The following CFLAR variants were observed in gnomAD, a reference collection of about 807,000 sequenced individuals.
CFLAR encodes CASP8 and FADD-like apoptosis regulator.
Under a neutral mutation model 51.1 loss-of-function variants are expected in CFLAR, and 14 were observed. That is an observed-to-expected ratio of 0.27 (90% CI 0.18 to 0.43). CFLAR has a LOEUF of 0.43. Ranked by LOEUF, CFLAR falls within the 20% of genes least tolerant of loss-of-function variation. The pLI, the probability that CFLAR is intolerant of heterozygous loss-of-function variation, is 1.00. For synonymous variants in CFLAR, 210 were observed against 211.6 expected, an observed-to-expected ratio of 0.99 and a Z score of 0.06; for missense variants, 390 against 566.5, an observed-to-expected ratio of 0.69 and a Z score of 3.16.
intron 3 of CFLAR, among the ~76,000 whole-genome samples, chr2:201,133,871 C>T (rs898520490): frequency 2.4e-5 from 3 of 125,716 alleles, no homozygotes; most frequent in African/African-American, 6.1e-5. Flanking sequence ...GCAGAGCTTG[C>T]GGTGAGCTGA....
chr2:201,126,365 G>A (rs1369446650), intron 1 of CFLAR, among the ~76,000 whole-genome samples: 3 of 152,270 alleles, frequency 2.0e-5, no homozygotes, highest in East Asian at 1.9e-4. Flanking sequence ...TGAGAACTGC[G>A]GATATTGCTG....
intron 8 of CFLAR, chr2:201,154,391 T>G (rs1263546061): frequency 6.5e-6 from 1 of 154,066 alleles, no homozygotes; most frequent in Non-Finnish European, 1.5e-5. Flanking sequence ...GCCTGGCTTA[T>G]TCTCTCCATT....
chr2:201,142,562 A>G (rs1939171014), intron 5 of CFLAR: 1 of 152,190 alleles, frequency 6.6e-6, no homozygotes, highest in Non-Finnish European at 1.5e-5. Flanking sequence ...TGTGATGTAT[A>G]TAATAAACTA....
In CFLAR at chr2:201,118,954, T is replaced by G. The variant is rs2047894484; in HGVS notation, c.-138+2473T>G. ...CCCCGCCCCTGGGCTGGTGTCGCCC[T>G]GGGCTCCTGGGACGTCGGGGCACTG... On this transcript the variant is annotated intron_variant, in intron 1 of 9. Transcript: ENST00000309955. This position sits in a 1 kb window ranked among gnomAD's most constrained non-coding sequence, Gnocchi z 5.1. 6.6e-6 allele frequency: 1 copy of G among 152,246 alleles called. No individual in the cohort carries two copies. The highest frequency in any genetic ancestry group is 1.5e-5 in the Non-Finnish European group (1 of 68,102). 9.4% of individuals were successfully genotyped at this position (152,246 alleles called of 1,614,324 possible).
intron 4 of CFLAR, chr2:201,139,373 G>C (rs1297062043): frequency 4.9e-6 from 1 of 203,278 alleles, no homozygotes; most frequent in Non-Finnish European, 1.0e-5. Flanking sequence ...CTGAAATATG[G>C]CCTCATGGGA....
intron 5 of CFLAR, among the ~76,000 whole-genome samples, chr2:201,141,001 C>T (rs751496074): frequency 1.3e-5 from 2 of 152,030 alleles, no homozygotes; most frequent in East Asian, 1.9e-4. Context: ...GAGGCCGAGC[C>T]GGAAGGATCA....
intron 7 of CFLAR, 49 bp downstream of exon 7, chr2:201,149,101 T>C: frequency 8.1e-7 from 1 of 1,233,362 alleles, no homozygotes; most frequent in Non-Finnish European, 1.2e-6. Context: ...TAGCTGTGGA[T>C]AACCCTGACT....
intron 5 of CFLAR, among the ~76,000 whole-genome samples, chr2:201,143,822 C>T (rs560605887): frequency 6.6e-6 from 1 of 151,844 alleles, no homozygotes; most frequent in African/African-American, 2.4e-5. Flanking sequence ...ATTAACCAGG[C>T]GCAGTGGCAG....
At chr2:201,123,875 G>T (rs930050154) in intron 1 of CFLAR, among the ~76,000 whole-genome samples, 1 of 152,132 alleles carries the variant, frequency 6.6e-6, no homozygotes, top group Non-Finnish European at 1.5e-5. Context: ...GAAACTTCTG[G>T]ATGACACTTT....
intron 8 of CFLAR, among the ~76,000 whole-genome samples, chr2:201,158,183 C>A (rs1942489078): frequency 6.6e-6 from 1 of 152,210 alleles, no homozygotes; most frequent in Non-Finnish European, 1.5e-5. Flanking sequence ...GATGGAGGAA[C>A]TAGGACTTAA....
intron 2 of CFLAR, 34 bp downstream of exon 2, chr2:201,130,180 TGGGA>T: frequency 3.3e-4 from 26 of 79,250 alleles, no homozygotes; most frequent in Non-Finnish European, 6.8e-4. Flanking sequence ...GCTGGGTGGG[TGGGA>T]GGGAGTGAAG....
intron 8 of CFLAR, among the ~76,000 whole-genome samples, chr2:201,159,615 C>A (rs1204394864): frequency 6.6e-6 from 1 of 152,140 alleles, no homozygotes; most frequent in African/African-American, 2.4e-5. Context: ...GCCAATAATT[C>A]ATTGTTTAAT....
At chr2:201,132,840 C>A in intron 2 of CFLAR, 189 bp from the exon 3 acceptor site, 1 of 454,452 alleles carries the variant, frequency 2.2e-6, no homozygotes, top group Non-Finnish European at 3.9e-6. Context: ...GGACAAGTTC[C>A]CTTTTCTGAG....
At chr2:201,127,330 C>A (rs1248297316) in intron 1 of CFLAR, among the ~76,000 whole-genome samples, 1 of 152,172 alleles carries the variant, frequency 6.6e-6, no homozygotes, top group Non-Finnish European at 1.5e-5. Flanking sequence ...GAGTTGGTAA[C>A]TGATGGGCAC....
Position 201,171,655 on chromosome 2 carries a change from T to C in CFLAR, c.*7682T>C, listed in dbSNP as rs1014674304. 6.7e-6 allele frequency: 1 copy of C among 148,486 alleles called. No individual in the cohort carries two copies. Among genetic ancestry groups the C allele is most frequent in the African/African-American group, 2.5e-5 (1 of 39,614 alleles). 9.2% of individuals were successfully genotyped at this position (148,486 alleles called of 1,614,324 possible). On this transcript the variant is annotated 3_prime_UTR_variant, in exon 10 of 10. Coordinates refer to ENST00000309955, the MANE Select transcript of CFLAR (RefSeq NM_003879.7). ...CTGCACTTGTATCCAGAACTTAAAA[T>C]ATTTTAAAAATCTTTAGAGAATACA...
chr2:201,129,887 C>G lies in CFLAR; in HGVS notation c.22C>G (p.Gln8Glu), dbSNP rs1400428465. The G allele has an allele frequency of 5.0e-6, 8 of 1,614,124 alleles. No individual in the cohort carries two copies. The South Asian group carries it at 8.8e-5, about 18-fold the overall frequency. Residue 8 changes from glutamine (Q) to glutamate (E), a missense_variant, in exon 2 of 10, where the codon CAG becomes GAG. This residue lies in a region of CFLAR where 103 missense variants were observed against 202.9 expected (regional missense o/e 0.51). Transcript: ENST00000309955. Reference sequence around the variant, plus strand: ...TAGGATGTCTGCTGAAGTCATCCATCAGGTTGAAGAAGCACTTGATACAGA... The same window carrying G: ...TAGGATGTCTGCTGAAGTCATCCATGAGGTTGAAGAAGCACTTGATACAGA... MSAEVIH[Q>E]VEEALDTDEK...
chr2:201,131,535 C>T (rs1173852743), intron 2 of CFLAR, among the ~76,000 whole-genome samples: 4 of 152,090 alleles, frequency 2.6e-5, no homozygotes, highest in Non-Finnish European at 4.4e-5. Flanking sequence ...CATGCCCAGC[C>T]GGTGTTTTTT....
At position 201,118,541 on chromosome 2, in the gene CFLAR, C is replaced by T. The variant is rs2047844376; in HGVS notation, c.-138+2060C>T. ...TAACGGTCCTGAGCTATGCATAAGC[C>T]GTTTGACCACGCATGGAGAATTTTA... On this transcript the variant is annotated intron_variant, in intron 1 of 9. Coordinates refer to ENST00000309955, the MANE Select transcript of CFLAR (RefSeq NM_003879.7). The surrounding 1 kb of genome is among the most constrained non-coding windows in gnomAD (Gnocchi z 5.1). 6.6e-6 allele frequency: 1 copy of T among 152,246 alleles called. No individual in the cohort carries two copies. Among genetic ancestry groups the T allele is most frequent in the Non-Finnish European group, 1.5e-5 (1 of 68,078 alleles). 9.4% of individuals were successfully genotyped at this position (152,246 alleles called of 1,614,324 possible).
In CFLAR at chr2:201,135,959, G is replaced by T. The variant is rs1308556138; in HGVS notation, c.388-13G>T. Reference sequence around the variant, plus strand: ...CTCTATTGACATTTGTTTTTTGTTGGTGGTTCTCTTAGAGTTTCTTGGACC... The same window carrying T: ...CTCTATTGACATTTGTTTTTTGTTGTTGGTTCTCTTAGAGTTTCTTGGACC... On this transcript the variant is annotated splice_polypyrimidine_tract_variant and intron_variant, in intron 3 of 9. Transcript: ENST00000309955. 1.2e-6 allele frequency: 2 copies of T among 1,602,400 alleles called. No individual in the cohort carries two copies. Among genetic ancestry groups the T allele is most frequent in the Admixed American group, 1.8e-5 (1 of 56,776 alleles).
Sources: allele counts gnomAD v4.1 joint callset (sites outside exome capture counted in the v4.1 genomes callset), GRCh38; gene constraint gnomAD v4.1.1; regional missense constraint gnomAD v4.1.1; non-coding constraint Gnocchi (gnomAD v3.1); transcripts MANE v1.5; gene names NCBI Gene and HGNC (gene_info 2026-07-23, HGNC 2026-07-21).